The following LUC7L2 variants were observed in gnomAD, a reference collection of about 807,000 sequenced individuals.
The protein encoded by LUC7L2 is putative RNA-binding protein Luc7-like 2.
In LUC7L2, 25 loss-of-function variants were observed where a neutral mutation model predicts 52.8. The ratio of observed to expected loss-of-function variants is 0.47; its 90% CI spans 0.34 to 0.66. LUC7L2 has a LOEUF of 0.66. Ranked by LOEUF, LUC7L2 falls within the 30% of genes least tolerant of loss-of-function variation. The probability of loss-of-function intolerance (pLI) is 0.01; values close to 1 mark genes in which losing one functional copy is unlikely to be tolerated. For synonymous variants in LUC7L2, 144 were observed against 160.9 expected (o/e 0.89, Z 0.80); for missense variants, 328 against 497.8 (o/e 0.66, Z 3.25).
chr7:139,423,202 A>G lies in LUC7L2; in HGVS notation c.*862A>G, dbSNP rs1231565319. 10 of 398,906 alleles carry G rather than the reference A, an allele frequency of 2.5e-5. No homozygotes were observed. Among genetic ancestry groups the G allele is most frequent in the Non-Finnish European group, 4.4e-6 (1 of 226,066 alleles). 24.7% of individuals were successfully genotyped at this position (398,906 alleles called of 1,614,324 possible). A position where few individuals can be genotyped will look rare whatever the true frequency, so the allele number is the denominator to read the frequency against. ...TGTCTAGTAAATTGTCACTAGAACT[A>G]TTTGCTGTGGGCATTTCCTCTATTC... On this transcript the variant is annotated 3_prime_UTR_variant, in exon 10 of 10. Coordinates refer to ENST00000354926, the MANE Select transcript of LUC7L2 (RefSeq NM_016019.5).
In LUC7L2 at chr7:139,422,214, C is replaced by G. The variant is rs770426709; in HGVS notation, c.1053C>G (p.Asp351Glu). The G allele has an allele frequency of 6.2e-7, 1 of 1,614,044 alleles. No homozygotes were observed. The highest frequency in any genetic ancestry group is 8.5e-7 in the Non-Finnish European group (1 of 1,179,994). ...RDQDLASCDR[D>E]RSSRDRSPRD... is the part of the protein sequence containing the mutation. Reference sequence around the variant, plus strand: ...AAGACTTAGCATCATGTGACAGAGACAGGAGTTCAAGAGACAGATCACCTC... The same window carrying G: ...AAGACTTAGCATCATGTGACAGAGAGAGGAGTTCAAGAGACAGATCACCTC... Residue 351 changes from aspartate to glutamate, a missense_variant, in exon 10 of 10, where the codon GAC (aspartate) becomes GAG (glutamate). Around this residue, in one of 2 missense-constraint regions of LUC7L2, gnomAD observed 195 missense variants for 223.3 expected, o/e 0.87. Coordinates refer to ENST00000354926, the MANE Select transcript of LUC7L2 (RefSeq NM_016019.5).
At chr7:139,400,092 T>C (rs1794840404) in intron 3 of LUC7L2, among the ~76,000 whole-genome samples, 1 of 151,976 alleles carries the variant, frequency 6.6e-6, no homozygotes, top group Non-Finnish European at 1.5e-5. Context: ...TTCAGAAATA[T>C]AATTTACAAC....
At chr7:139,365,704 T>G (rs1585078207) in intron 1 of LUC7L2, among the ~76,000 whole-genome samples, 2 of 152,180 alleles carry the variant, frequency 1.3e-5, no homozygotes, top group African/African-American at 4.8e-5. Context: ...GAAAGGTGCT[T>G]GAAAAGGACT....
chr7:139,368,635 G>T (rs899334126), intron 1 of LUC7L2, among the ~76,000 whole-genome samples: 1 of 151,974 alleles, frequency 6.6e-6, no homozygotes, highest in Admixed American at 6.5e-5. Flanking sequence ...CCACCCGGGA[G>T]GCTGAGGTTG....
intron 2 of LUC7L2, among the ~76,000 whole-genome samples, chr7:139,389,458 G>A (rs1204259550): frequency 6.6e-6 from 1 of 151,482 alleles, no homozygotes; most frequent in African/African-American, 2.4e-5. Flanking sequence ...TTATTTTCCC[G>A]ATAGGAAATA....
chr7:139,402,448 T>C (rs1794955341), intron 4 of LUC7L2, among the ~76,000 whole-genome samples: 1 of 152,238 alleles, frequency 6.6e-6, no homozygotes, highest in Non-Finnish European at 1.5e-5. Flanking sequence ...CTAATCCTTA[T>C]ATTTTATTCA....
chr7:139,378,196 G>A (rs1456976068), intron 2 of LUC7L2, among the ~76,000 whole-genome samples: 2 of 151,880 alleles, frequency 1.3e-5, no homozygotes, highest in African/African-American at 4.8e-5. Flanking sequence ...TGAAATCTAT[G>A]AAATCTATCA....
intron 3 of LUC7L2, among the ~76,000 whole-genome samples, chr7:139,400,406 G>A (rs1324183297): frequency 1.3e-5 from 2 of 152,198 alleles, no homozygotes; most frequent in African/African-American, 4.8e-5. Flanking sequence ...CTACTCAGGA[G>A]GCTGAGGCAG....
intron 4 of LUC7L2, among the ~76,000 whole-genome samples, chr7:139,402,606 A>G (rs1475140675): frequency 6.6e-6 from 1 of 152,154 alleles, no homozygotes; most frequent in Non-Finnish European, 1.5e-5. Context: ...GGCTTGCTGC[A>G]ATCTCTGCCT....
upstream of LUC7L2, among the ~76,000 whole-genome samples, chr7:139,358,397 A>G (rs1799687609): frequency 1.3e-5 from 2 of 152,244 alleles, no homozygotes; most frequent in Admixed American, 1.3e-4. Context: ...CGATGAGTAT[A>G]CAGTGTTAAT....
chr7:139,390,365 A>C (rs1483636433), intron 2 of LUC7L2, among the ~76,000 whole-genome samples: 2 of 150,056 alleles, frequency 1.3e-5, no homozygotes, highest in Admixed American at 1.3e-4. Context: ...GGTTCAAGTG[A>C]TTTTCCTGCC....
At chr7:139,360,713 G>A (rs553733969) in intron 1 of LUC7L2, among the ~76,000 whole-genome samples, 2 of 152,222 alleles carry the variant, frequency 1.3e-5, no homozygotes, top group African/African-American at 4.8e-5. Flanking sequence ...CCAGAGCTTT[G>A]GGATCATCCC....
chr7:139,363,081 G>A (rs1259596919), intron 1 of LUC7L2: 2 of 243,966 alleles, frequency 8.2e-6, no homozygotes, highest in Non-Finnish European at 1.3e-5. Flanking sequence ...GTGCCGGGAG[G>A]CTGGGCAGGG....
chr7:139,397,134 C>T (rs1262904359), intron 2 of LUC7L2, among the ~76,000 whole-genome samples: 1 of 152,156 alleles, frequency 6.6e-6, no homozygotes, highest in Non-Finnish European at 1.5e-5. Context: ...TTCCTGTTCC[C>T]TGTTACCATA....
intron 2 of LUC7L2, among the ~76,000 whole-genome samples, chr7:139,382,176 C>G (rs571937276): frequency 6.6e-6 from 1 of 152,190 alleles, no homozygotes; most frequent in African/African-American, 2.4e-5. Context: ...AGGTGTGAGC[C>G]ACTGCCCCCA....
At chr7:139,342,421 A>T (rs1009752309) in intron 1 of LUC7L2, among the ~76,000 whole-genome samples, 1 of 152,056 alleles carries the variant, frequency 6.6e-6, no homozygotes, top group African/African-American at 2.4e-5. Flanking sequence ...AGGGGAGAAA[A>T]ATTGCCAGTT....
At chr7:139,393,347 C>G (rs917631104) in intron 2 of LUC7L2, among the ~76,000 whole-genome samples, 1 of 152,070 alleles carries the variant, frequency 6.6e-6, no homozygotes, top group Admixed American at 6.6e-5. Context: ...GGGAGGATTG[C>G]TTGACCCTGG....
chr7:139,415,947 T>C (rs1416766960), intron 8 of LUC7L2, among the ~76,000 whole-genome samples: 1 of 151,082 alleles, frequency 6.6e-6, no homozygotes, highest in African/African-American at 2.4e-5. Context: ...CTATCTCATA[T>C]GTATAATATG....
At chr7:139,375,358 AC>A (rs1355403353) in intron 1 of LUC7L2, 2 of 985,326 alleles carry the variant, frequency 2.0e-6, no homozygotes, top group Non-Finnish European at 2.4e-6. Context: ...AGCTCAGACT[AC>A]ATAAAACTTG....
Sources: allele counts gnomAD v4.1 joint callset (sites outside exome capture counted in the v4.1 genomes callset), GRCh38; gene constraint gnomAD v4.1.1; regional missense constraint gnomAD v4.1.1; transcripts MANE v1.5; gene names NCBI Gene and HGNC (gene_info 2026-07-23, HGNC 2026-07-21).